Variants in GSTO2 observed in about 807,000 individuals in gnomAD.
GSTO2 encodes the protein glutathione S-transferase omega-2.
GSTO2 carries 23 observed loss-of-function variants against 28.4 expected under a neutral mutation model. The observed-to-expected ratio is 0.81, with a 90% confidence interval of 0.58 to 1.15. The LOEUF is 1.15. Among genes scored for constraint, GSTO2 ranks in the 50% most tolerant of loss-of-function variants. The probability of loss-of-function intolerance (pLI) is 0.00; values close to 1 mark genes in which losing one functional copy is unlikely to be tolerated. For missense variants in GSTO2, 298 were observed against 297.8 expected, an observed-to-expected ratio of 1.00 and a Z score of 0.00; for synonymous variants, 109 against 111.0, an observed-to-expected ratio of 0.98 and a Z score of 0.11.
chr10:104,270,082 C>T (rs1256039240), intron 1 of GSTO2, among the ~76,000 whole-genome samples: 1 of 151,320 alleles, frequency 6.6e-6, no homozygotes, highest in African/African-American at 2.4e-5. Flanking sequence ...GGCGCGATCT[C>T]GGCTCACTGC....
chr10:104,279,236 C>T, intron 4 of GSTO2, 134 bp from the exon 5 acceptor site: 1 of 634,318 alleles, frequency 1.6e-6, no homozygotes, highest in Non-Finnish European at 2.7e-6. Context: ...GTGCCTCTCA[C>T]AGGGAGCTGG....
intron 1 of GSTO2, among the ~76,000 whole-genome samples, chr10:104,273,292 C>T (rs2011497376): frequency 6.6e-6 from 1 of 152,236 alleles, no homozygotes; most frequent in African/African-American, 2.4e-5. Context: ...TCTCCAACAC[C>T]AGATTTCTTG....
At chr10:104,290,796 A>AAC (rs113360944) in intron 5 of GSTO2, among the ~76,000 whole-genome samples, 5,741 of 152,286 alleles carry the variant, frequency 0.038, 390 homozygotes, top group African/African-American at 0.13. Flanking sequence ...GGGTACAAAA[A>AAC]ACAGAAAGAA....
intron 3 of GSTO2, among the ~76,000 whole-genome samples, chr10:104,275,986 A>G (rs1423484652): frequency 6.6e-6 from 1 of 152,138 alleles, no homozygotes; most frequent in Admixed American, 6.5e-5. Context: ...ATGCTTCCAA[A>G]AGGAAGTTTG....
chr10:104,282,601 A>G (rs1337307371), intron 5 of GSTO2, among the ~76,000 whole-genome samples: 1 of 151,830 alleles, frequency 6.6e-6, no homozygotes, highest in Non-Finnish European at 1.5e-5. Context: ...GCAAGAATGT[A>G]GAGGATGGAT....
chr10:104,274,168 C>T (rs1030756135), intron 1 of GSTO2, among the ~76,000 whole-genome samples: 1 of 152,228 alleles, frequency 6.6e-6, no homozygotes, highest in East Asian at 1.9e-4. Flanking sequence ...TGCTGGGGAA[C>T]GGGGGAAGCT....
chr10:104,276,289 C>T (rs1264739675), intron 3 of GSTO2, among the ~76,000 whole-genome samples: 1 of 152,196 alleles, frequency 6.6e-6, no homozygotes, highest in Non-Finnish European at 1.5e-5. Flanking sequence ...ATTAAGCTGA[C>T]CTTAAGGTTA....
Position 104,301,189 on chromosome 10 carries a change from T to A in GSTO2, c.*1905T>A, listed in dbSNP as rs2013246675. ...ATCAGCCTTTTGCCGGTACAAATCC[T>A]GCATGCTAGTGAGTGCTTGTCATAA... is the stretch of plus-strand genomic sequence containing the variant. On this transcript the variant is annotated 3_prime_UTR_variant, in exon 7 of 7. Transcript: ENST00000338595. 1.3e-5 allele frequency: 2 copies of A among 152,260 alleles called. No homozygotes were observed. Among genetic ancestry groups the A allele is most frequent in the African/African-American group, 4.8e-5 (2 of 41,472 alleles). The allele number at this position is 152,260 out of a possible 1,614,324, so 9.4% of individuals were successfully genotyped here. A position where few individuals can be genotyped will look rare whatever the true frequency, so the allele number is the denominator to read the frequency against.
intron 5 of GSTO2, chr10:104,295,323 T>A (rs1385208878): frequency 6.6e-6 from 1 of 152,238 alleles, no homozygotes; most frequent in Non-Finnish European, 1.5e-5. Flanking sequence ...CCACCTAACA[T>A]GTTTTTTCAG....
intron 4 of GSTO2, among the ~76,000 whole-genome samples, chr10:104,278,701 G>C (rs1002793780): frequency 6.6e-6 from 1 of 152,124 alleles, no homozygotes; most frequent in Non-Finnish European, 1.5e-5. Context: ...GGCTGGTCTT[G>C]AACTCCTGAC....
Position 104,301,605 on chromosome 10 carries a change from A to C in GSTO2, c.*2321A>C, listed in dbSNP as rs571484848. On this transcript the variant is annotated 3_prime_UTR_variant, in exon 7 of 7. Transcript: ENST00000338595. The stretch of plus-strand genomic sequence containing the variant: ...AATAATGCTCCATGAAGAACTTTAA[A>C]AATATGCTTCTTAATTAATACATGT... 1.3e-5 allele frequency: 2 copies of C among 152,254 alleles called. No homozygotes were observed. The highest frequency in any genetic ancestry group is 2.4e-5 in the African/African-American group (1 of 41,456). 9.4% of individuals were successfully genotyped at this position (152,254 alleles called of 1,614,324 possible). A position where few individuals can be genotyped will look rare whatever the true frequency, so the allele number is the denominator to read the frequency against.
rs1485862625 is a variant in GSTO2, at chr10:104,304,606, C to G, written c.*5322C>G. On this transcript the variant is annotated 3_prime_UTR_variant, in exon 7 of 7. Coordinates refer to ENST00000338595, the MANE Select transcript of GSTO2 (RefSeq NM_183239.2). Reference sequence around the variant, plus strand: ...TTGAATAATGATGGTCTCATCTATGCAAGGGCTTAGTACCAGCTGGGTGAA... The same window carrying G: ...TTGAATAATGATGGTCTCATCTATGGAAGGGCTTAGTACCAGCTGGGTGAA... 1 of 152,202 alleles carries G rather than the reference C, an allele frequency of 6.6e-6. No individual in the cohort carries two copies. Among genetic ancestry groups the G allele is most frequent in the Non-Finnish European group, 1.5e-5 (1 of 68,042 alleles). The allele number at this position is 152,202 out of a possible 1,614,324, so 9.4% of individuals were successfully genotyped here.
chr10:104,301,821 C>T lies in GSTO2; in HGVS notation c.*2537C>T, dbSNP rs2013264546. On this transcript the variant is annotated 3_prime_UTR_variant, in exon 7 of 7. Transcript: ENST00000338595. Reference sequence around the variant, plus strand: ...CTTGAACTCCTGGCTTCAAGTGATCCTCCCATCTCGGCATCCCAAAGTGCT... The same window carrying T: ...CTTGAACTCCTGGCTTCAAGTGATCTTCCCATCTCGGCATCCCAAAGTGCT... The T allele has an allele frequency of 6.6e-6, 1 of 152,112 alleles. No homozygotes were observed. Among genetic ancestry groups the T allele is most frequent in the Admixed American group, 6.5e-5 (1 of 15,272 alleles). The allele number at this position is 152,112 out of a possible 1,614,324, so 9.4% of individuals were successfully genotyped here. A position where few individuals can be genotyped will look rare whatever the true frequency, so the allele number is the denominator to read the frequency against.
chr10:104,273,994 TA>T (rs1275473291), intron 1 of GSTO2, among the ~76,000 whole-genome samples: 2 of 152,226 alleles, frequency 1.3e-5, no homozygotes, highest in Non-Finnish European at 2.9e-5. Context: ...TTTAAGGAAT[TA>T]TTTTTTTACC....
rs936391823 is a variant in GSTO2 at position 104,303,020 on chromosome 10, T to G, written c.*3736T>G. ...TCGTTCCATAGGTAAACATGCGTCA[T>G]GGGGTTTGTTATGCAGATTATTTCA... On this transcript the variant is annotated 3_prime_UTR_variant, in exon 7 of 7. Coordinates refer to ENST00000338595, the MANE Select transcript of GSTO2 (RefSeq NM_183239.2). The G allele has an allele frequency of 1.1e-4, 17 of 152,224 alleles. No homozygotes were observed. The highest frequency in any genetic ancestry group is 2.9e-4 in the African/African-American group (12 of 41,454). 9.4% of individuals were successfully genotyped at this position (152,224 alleles called of 1,614,324 possible).
At chr10:104,276,605 A>T (rs1424255871) in intron 3 of GSTO2, among the ~76,000 whole-genome samples, 1 of 152,202 alleles carries the variant, frequency 6.6e-6, no homozygotes, top group African/African-American at 2.4e-5. Flanking sequence ...CTTGGGAAGG[A>T]GGCCAAAAAT....
rs574365571 is a variant in GSTO2 at position 104,274,779 on chromosome 10, G to A, written c.-137G>A. 105 of 1,057,298 alleles carry A rather than the reference G, an allele frequency of 9.9e-5. No homozygotes were observed. The East Asian group carries it at 2.6e-3, about 26-fold the overall frequency. The allele number at this position is 1,057,298 out of a possible 1,614,324, so 65.5% of individuals were successfully genotyped here. A position where few individuals can be genotyped will look rare whatever the true frequency, so the allele number is the denominator to read the frequency against. ...GATCGCTTCCCCGTGCCCCGCCAGA[G>A]CCCAGTAGTTCAAAAATTAAATTTG... On this transcript the variant is annotated 5_prime_UTR_variant, in exon 2 of 7. Transcript: ENST00000338595.
chr10:104,288,846 T>A (rs905141872), intron 5 of GSTO2, among the ~76,000 whole-genome samples: 2 of 152,204 alleles, frequency 1.3e-5, no homozygotes, highest in Non-Finnish European at 2.9e-5. Context: ...GACTTTTAAT[T>A]TGGCTTATAT....
intron 5 of GSTO2, among the ~76,000 whole-genome samples, chr10:104,281,489 T>C (rs1367208174): frequency 6.6e-6 from 1 of 152,218 alleles, no homozygotes; most frequent in Non-Finnish European, 1.5e-5. Flanking sequence ...GGATGATGGA[T>C]GAACTTTTTA....
Sources: gnomAD v4.1 joint callset for allele counts (sites outside exome capture counted in the v4.1 genomes callset) on GRCh38, gnomAD v4.1.1 for gene constraint, MANE v1.5 for transcripts, NCBI Gene and HGNC (gene_info 2026-07-23, HGNC 2026-07-21) for gene names.